VGLL4: variants seen among roughly 807,000 people sequenced by gnomAD.
VGLL4 encodes transcription cofactor vestigial-like protein 4.
A neutral mutation model predicts 21.0 loss-of-function variants in VGLL4; 7 were observed. The observed-to-expected ratio is 0.33, with a 90% confidence interval of 0.19 to 0.63. The LOEUF is 0.63. Ranked by LOEUF, VGLL4 falls within the 20% of genes least tolerant of loss-of-function variation. VGLL4 has a pLI of 0.78. For synonymous variants in VGLL4, 222 were observed against 173.2 expected (o/e 1.28, Z -2.21); for missense variants, 394 against 425.7 (o/e 0.93, Z 0.66).
rs1300972577 is a variant in VGLL4 at position 11,557,699 on chromosome 3, A to G, written c.*857T>C. On this transcript the variant is annotated 3_prime_UTR_variant, in exon 5 of 5. Coordinates refer to ENST00000430365, the MANE Select transcript of VGLL4 (RefSeq NM_001128219.3). ...GTATTAAGGTTTTTGTTTACTGTCT[A>G]TATAATTAATAGAAACCAGCTATTT... 1 of 152,820 alleles carries G rather than the reference A, an allele frequency of 6.5e-6. No individual in the cohort carries two copies. The highest frequency in any genetic ancestry group is 2.4e-5 in the African/African-American group (1 of 41,474). 9.5% of individuals were successfully genotyped at this position (152,820 alleles called of 1,614,324 possible). A position where few individuals can be genotyped will look rare whatever the true frequency, so the allele number is the denominator to read the frequency against.
chr3:11,644,032 C>T, upstream of VGLL4: 2 of 975,954 alleles, frequency 2.0e-6, no homozygotes, highest in Non-Finnish European at 2.4e-6. Context: ...CTCAATGTAG[C>T]AAGTGTTGGA....
At chr3:11,715,113 T>C (rs569308342) in intron 1 of VGLL4, among the ~76,000 whole-genome samples, 197 of 143,378 alleles carry the variant, frequency 1.4e-3, no homozygotes, top group Non-Finnish European at 1.2e-3. Flanking sequence ...CCAGCCTGGG[T>C]GACAGAGCGA....
At chr3:11,714,769 A>T (rs995591744) in intron 1 of VGLL4, among the ~76,000 whole-genome samples, 16 of 152,108 alleles carry the variant, frequency 1.1e-4, no homozygotes, top group African/African-American at 3.6e-4. Context: ...TACTTATGTG[A>T]ATAGTTAGTA....
At chr3:11,696,429 G>A (rs529637641) in intron 2 of VGLL4, among the ~76,000 whole-genome samples, 1 of 152,276 alleles carries the variant, frequency 6.6e-6, no homozygotes, top group South Asian at 2.1e-4. Context: ...CCTCAATCGA[G>A]TCCACCTTGT....
intron 1 of VGLL4, among the ~76,000 whole-genome samples, chr3:11,610,075 C>T (rs1176500268): frequency 1.3e-5 from 2 of 152,132 alleles, no homozygotes; most frequent in African/African-American, 2.4e-5. Context: ...CCAAGCCAGC[C>T]GCGCTGCACT....
intron 2 of VGLL4, among the ~76,000 whole-genome samples, chr3:11,584,801 A>G (rs111981541): frequency 2.2e-3 from 3 of 1,390 alleles, no homozygotes; most frequent in African/African-American, 0.018. Context: ...TGAAAAGAGA[A>G]AAAAAAAAAA....
chr3:11,630,213 A>G (rs1031178397), intron 1 of VGLL4, among the ~76,000 whole-genome samples: 1 of 152,240 alleles, frequency 6.6e-6, no homozygotes, highest in Non-Finnish European at 1.5e-5. Flanking sequence ...TTCACATAGT[A>G]CCAATCAACA....
At chr3:11,580,010 A>G (rs2074181426) in intron 2 of VGLL4, among the ~76,000 whole-genome samples, 1 of 152,192 alleles carries the variant, frequency 6.6e-6, no homozygotes, top group South Asian at 2.1e-4. Flanking sequence ...TGGTCATCAC[A>G]GTTTTTCATA....
In VGLL4 at chr3:11,719,661, G is replaced by A. The variant is rs531633032; in HGVS notation, c.-14+733C>T. On this transcript the variant is annotated intron_variant, in intron 1 of 5. Transcript: ENST00000273038. This position sits in a 1 kb window ranked among gnomAD's most constrained non-coding sequence, Gnocchi z 4.0. ...CCTGGAATGAGGCACCGGCCAACCT[G>A]AGCCGGGCTCCGCCAGGCCAGCCAG... 3 of 152,474 alleles carry A rather than the reference G, an allele frequency of 2.0e-5. No homozygotes were observed. Among genetic ancestry groups the A allele is most frequent in the Non-Finnish European group, 4.4e-5 (3 of 68,232 alleles). The allele number at this position is 152,474 out of a possible 1,614,324, so 9.4% of individuals were successfully genotyped here. A position where few individuals can be genotyped will look rare whatever the true frequency, so the allele number is the denominator to read the frequency against.
At chr3:11,593,648 G>T (rs1380088546) in intron 2 of VGLL4, among the ~76,000 whole-genome samples, 1 of 152,206 alleles carries the variant, frequency 6.6e-6, no homozygotes, top group Non-Finnish European at 1.5e-5. Flanking sequence ...AGGGAGGGAA[G>T]AGGAGGAAGA....
At chr3:11,638,364 G>A (rs982394084) in intron 1 of VGLL4, among the ~76,000 whole-genome samples, 7 of 152,070 alleles carry the variant, frequency 4.6e-5, no homozygotes, top group African/African-American at 9.7e-5. Flanking sequence ...TTCGAGAAGC[G>A]GGCTGAGAAA....
At chr3:11,619,744 T>C (rs910206846) in intron 1 of VGLL4, among the ~76,000 whole-genome samples, 3 of 152,186 alleles carry the variant, frequency 2.0e-5, no homozygotes, top group South Asian at 2.1e-4. Flanking sequence ...TACAGTGCCC[T>C]CCCACCCATA....
chr3:11,562,121 A>C (rs2073075385), intron 3 of VGLL4, among the ~76,000 whole-genome samples: 1 of 151,496 alleles, frequency 6.6e-6, no homozygotes. Context: ...TGGTCTCGAA[A>C]TCCTGGCCTC....
chr3:11,585,465 G>C (rs2074340705), intron 2 of VGLL4, among the ~76,000 whole-genome samples: 1 of 151,362 alleles, frequency 6.6e-6, no homozygotes, highest in African/African-American at 2.4e-5. Flanking sequence ...GAGAGGGAGA[G>C]AGACTTCAAT....
intron 2 of VGLL4, among the ~76,000 whole-genome samples, chr3:11,676,818 C>T (rs1200426575): frequency 3.3e-5 from 5 of 152,052 alleles, no homozygotes; most frequent in East Asian, 1.9e-4. Flanking sequence ...AAAAGGGTAA[C>T]GGATTAATAA....
intron 2 of VGLL4, among the ~76,000 whole-genome samples, chr3:11,684,050 A>C (rs1339196963): frequency 6.6e-6 from 1 of 152,028 alleles, no homozygotes; most frequent in African/African-American, 2.4e-5. Context: ...GTCTCTACTA[A>C]AAATGCAAAA....
intron 1 of VGLL4, among the ~76,000 whole-genome samples, chr3:11,623,428 C>A (rs576100697): frequency 1.7e-4 from 26 of 152,222 alleles, no homozygotes; most frequent in African/African-American, 5.8e-4. Context: ...AGAAGCTGGG[C>A]CTCTACACAC....
intron 1 of VGLL4, chr3:11,604,376 C>T (rs1413684918): frequency 1.0e-6 from 1 of 956,606 alleles, no homozygotes; most frequent in Non-Finnish European, 1.2e-6. Context: ...ATGGCCTCTG[C>T]AATCAGACAA....
intron 2 of VGLL4, among the ~76,000 whole-genome samples, chr3:11,569,762 G>C (rs781264714): frequency 2.0e-5 from 3 of 152,202 alleles, no homozygotes; most frequent in Admixed American, 6.5e-5. Context: ...TGCACCTGTG[G>C]TCCCAGCTAC....
Sources: gnomAD v4.1 joint callset for allele counts (sites outside exome capture counted in the v4.1 genomes callset) on GRCh38, gnomAD v4.1.1 for gene constraint, Gnocchi (gnomAD v3.1) non-coding constraint, MANE v1.5 for transcripts, NCBI Gene and HGNC (gene_info 2026-07-23, HGNC 2026-07-21) for gene names.